The following MECR variants were observed in gnomAD, a reference collection of about 807,000 sequenced individuals.
MECR encodes the protein enoyl-[acyl-carrier-protein] reductase, mitochondrial.
A neutral mutation model predicts 49.1 loss-of-function variants in MECR; 37 were observed. The observed-to-expected ratio is 0.75, with a 90% CI of 0.58 to 0.99. MECR has a LOEUF of 0.99. Ranked by LOEUF, MECR falls within the 50% of genes least tolerant of loss-of-function variation. The pLI is 0.00. For synonymous variants in MECR, 198 were observed against 191.1 expected (o/e 1.04, Z -0.30); for missense variants, 470 against 479.6 (o/e 0.98, Z 0.19).
downstream of MECR, among the ~76,000 whole-genome samples, chr1:29,191,698 C>T (rs1673136454): frequency 6.6e-6 from 1 of 152,112 alleles, no homozygotes; most frequent in African/African-American, 2.4e-5. Flanking sequence ...CAGACCTTTC[C>T]CAGCCCCAGG....
rs1680507114 is a variant in MECR at position 29,220,463 on chromosome 1, A to G, written c.177-3778T>C. Among the ~76,000 whole-genome samples the G allele has an allele frequency of 2.0e-5, 3 of 152,208 alleles. No homozygotes were observed. In the South Asian group the frequency reaches 6.2e-4, roughly 32 times the overall value. ...CGCAGGGCCCAAACCAAAGGGACTT[A>G]GCTATTTGAACTTGCTCTTCCTCGT... On this transcript the variant is annotated intron_variant, in intron 1 of 9. Coordinates refer to ENST00000263702, the MANE Select transcript of MECR (RefSeq NM_016011.5).
chr1:29,206,693 G>A (rs1676664586), intron 4 of MECR, 69 bp downstream of exon 4: 2 of 1,557,446 alleles, frequency 1.3e-6, no homozygotes, highest in African/African-American at 2.7e-5. Context: ...TCCTGGCCTT[G>A]GGGTCAGGAT....
At chr1:29,199,519 G>A (rs968520276) in intron 7 of MECR, among the ~76,000 whole-genome samples, 14 of 152,162 alleles carry the variant, frequency 9.2e-5, no homozygotes, top group Admixed American at 2.0e-4. Flanking sequence ...GAGCCACTGC[G>A]CCCGGCCTAG....
chr1:29,178,998 A>G, the MECR span, among the ~76,000 whole-genome samples: 3 of 152,084 alleles, frequency 2.0e-5, no homozygotes, highest in Admixed American at 1.3e-4. Flanking sequence ...ATGACATTTC[A>G]TGCATATCAT....
the MECR span, chr1:29,181,597 C>A: frequency 1.3e-6 from 2 of 1,502,326 alleles, no homozygotes; most frequent in African/African-American, 1.4e-5. Context: ...CTCCCCACCA[C>A]CTATGGGGTC....
chr1:29,174,675 GTTTT>G, the MECR span, among the ~76,000 whole-genome samples: 48 of 130,692 alleles, frequency 3.7e-4, no homozygotes, highest in Non-Finnish European at 6.0e-4. Flanking sequence ...CAGGAGATAG[GTTTT>G]TTTTTTTTTT....
the MECR span, among the ~76,000 whole-genome samples, chr1:29,186,968 C>T: frequency 6.6e-6 from 1 of 152,278 alleles, no homozygotes; most frequent in East Asian, 1.9e-4. Flanking sequence ...TCATAAGGTG[C>T]CAATGTCTCC....
At chr1:29,215,713 A>G (rs1331301685) in intron 3 of MECR, among the ~76,000 whole-genome samples, 1 of 151,234 alleles carries the variant, frequency 6.6e-6, no homozygotes, top group Admixed American at 6.6e-5. Context: ...TCTACTAACA[A>G]TACAAAAATT....
the MECR span, among the ~76,000 whole-genome samples, chr1:29,177,344 G>A: frequency 6.6e-6 from 1 of 150,612 alleles, no homozygotes; most frequent in Non-Finnish European, 1.5e-5. Flanking sequence ...TGCAATGGCA[G>A]GATCTCGGCT....
At chr1:29,221,938 T>G (rs1321772692) in intron 1 of MECR, among the ~76,000 whole-genome samples, 1 of 152,132 alleles carries the variant, frequency 6.6e-6, no homozygotes, top group Non-Finnish European at 1.5e-5. Flanking sequence ...GAGGGTGGTA[T>G]CACCCAAATT....
Position 29,203,120 on chromosome 1 carries a change from T to G in MECR, c.653+11A>C. 1 of 1,558,402 alleles carries G rather than the reference T, an allele frequency of 6.4e-7. No homozygotes were observed. The highest frequency in any genetic ancestry group is 1.2e-5 in the South Asian group (1 of 85,296). ...GACATGGTCTGGGATGAAGCCTCCT[T>G]CCCCACGCACCTGTCTCGGACCACA... On this transcript the variant is annotated intron_variant, in intron 5 of 9. Transcript: ENST00000263702.
rs1673232947 is a variant in MECR, at chr1:29,193,154, A to T, written c.*868T>A. 5.4e-6 allele frequency: 1 copy of T among 186,234 alleles called. No homozygotes were observed. Among genetic ancestry groups the T allele is most frequent in the African/African-American group, 2.4e-5 (1 of 41,552 alleles). The allele number at this position is 186,234 out of a possible 1,614,324, so 11.5% of individuals were successfully genotyped here. ...GAGATGGTGTTTCACCACGTTACCT[A>T]GGTTGACCTTGAACTCCTGGGCTCA... On this transcript the variant is annotated 3_prime_UTR_variant, in exon 10 of 10. Coordinates refer to ENST00000263702, the MANE Select transcript of MECR (RefSeq NM_016011.5).
the MECR span, chr1:29,173,130 C>CTTTTTTTTTTTTTT: frequency 2.5e-5 from 2 of 78,556 alleles, no homozygotes; most frequent in African/African-American, 5.1e-5. Context: ...GTCAAAAAGG[C>CTTTTTTTTTTTTTT]TTTTTTTTTT....
At chr1:29,208,211 C>G (rs1045060179) in intron 3 of MECR, among the ~76,000 whole-genome samples, 21 of 152,180 alleles carry the variant, frequency 1.4e-4, no homozygotes, top group Admixed American at 4.6e-4. Context: ...AGGCTGGTCT[C>G]GAACTCCTGA....
At chr1:29,192,157 G>A (rs1673157317), downstream of MECR, among the ~76,000 whole-genome samples, 2 of 151,848 alleles carry the variant, frequency 1.3e-5, no homozygotes, top group African/African-American at 4.8e-5. Flanking sequence ...ATCCCTTGGT[G>A]CCTCCCTAGG....
chr1:29,190,838 C>T (rs879028485), downstream of MECR, among the ~76,000 whole-genome samples: 29 of 151,244 alleles, frequency 1.9e-4, 1 homozygote, highest in Admixed American at 4.6e-4. Context: ...AAGAAACTGA[C>T]GCCTAACACC....
At position 29,230,782 on chromosome 1, in the gene MECR, C is replaced by T. The variant is rs766400050; in HGVS notation, c.125G>A (p.Arg42Gln). The T allele has an allele frequency of 6.2e-7, 1 of 1,603,288 alleles. No individual in the cohort carries two copies. The highest frequency in any genetic ancestry group is 1.1e-5 in the South Asian group (1 of 89,776). Residue 42 changes from arginine (R) to glutamine (Q), a missense_variant, in exon 1 of 10, where the codon CGG (arginine) becomes CAG (glutamine). Physicochemically the swap from Arg to Gln is conservative, Grantham distance 43. Transcript: ENST00000263702. Reference sequence around the variant, plus strand: ...GTGCCCATAGACAAGCGCCCGGACCCGGGCAGGCTCGGCGGATGCGGAGTA... The same window carrying T: ...GTGCCCATAGACAAGCGCCCGGACCTGGGCAGGCTCGGCGGATGCGGAGTA... Reference protein sequence around the residue: ...SSYSASAEPARVRALVYGHHG... With the variant: ...SSYSASAEPAQVRALVYGHHG...
At chr1:29,176,176 C>G in the MECR span, among the ~76,000 whole-genome samples, 3 of 151,978 alleles carry the variant, frequency 2.0e-5, no homozygotes, top group Non-Finnish European at 4.4e-5. Context: ...TGCTTGAACC[C>G]AAAAGGCGGA....
downstream of MECR, among the ~76,000 whole-genome samples, chr1:29,190,191 A>G (rs928522326): frequency 2.7e-5 from 4 of 150,878 alleles, no homozygotes; most frequent in Non-Finnish European, 5.9e-5. Flanking sequence ...TGGCTAACAC[A>G]GTGAAACCCT....
Sources: allele counts gnomAD v4.1 joint callset (sites outside exome capture counted in the v4.1 genomes callset), GRCh38; gene constraint gnomAD v4.1.1; transcripts MANE v1.5; gene names NCBI Gene and HGNC (gene_info 2026-07-23, HGNC 2026-07-21).